The following LDLRAD4 variants were observed in gnomAD, a reference collection of about 807,000 sequenced individuals.
LDLRAD4 encodes low density lipoprotein receptor class A domain containing 4, also known as low-density lipoprotein receptor class A domain-containing protein 4.
In LDLRAD4, 5 loss-of-function variants were observed where a neutral mutation model predicts 17.0. The observed-to-expected ratio is 0.29, with a 90% CI of 0.15 to 0.62. The LOEUF (loss-of-function observed/expected upper bound fraction) is 0.62, where lower values mean the gene tolerates loss of function less well. LDLRAD4 is among the 20% of genes least tolerant of loss of function. The probability of loss-of-function intolerance (pLI) is 0.84; values close to 1 mark genes in which losing one functional copy is unlikely to be tolerated. For synonymous variants in LDLRAD4, 168 were observed against 171.8 expected (o/e 0.98, Z 0.17); for missense variants, 340 against 424.7 (o/e 0.80, Z 1.75).
intron 3 of LDLRAD4, among the ~76,000 whole-genome samples, chr18:13,599,206 A>AC (rs2095131040): frequency 6.6e-6 from 1 of 152,070 alleles, no homozygotes; most frequent in African/African-American, 2.4e-5. Flanking sequence ...TTTTTGCCAC[A>AC]CCCACTCAGT....
chr18:13,219,599 TAGTA>T (rs553143261), intron 1 of LDLRAD4, among the ~76,000 whole-genome samples: 2 of 152,276 alleles, frequency 1.3e-5, no homozygotes, highest in Non-Finnish European at 2.9e-5. Context: ...GCGCTAGTAT[TAGTA>T]AGTTATTTGC....
chr18:13,246,787 C>T (rs2042977374), intron 1 of LDLRAD4, among the ~76,000 whole-genome samples: 1 of 152,306 alleles, frequency 6.6e-6, no homozygotes. Context: ...CCTGATTTTC[C>T]ATTAGTCACA....
chr18:13,622,102 C>A lies in LDLRAD4; in HGVS notation c.336+831C>A, dbSNP rs574023274. ...CCTGCGGTATGCTGAGCACAGGAGC[C>A]GGTCCTTACGGAGCATCCCTCTTCA... On this transcript the variant is annotated intron_variant, in intron 4 of 5. Transcript: ENST00000359446. The surrounding 1 kb of genome is among the most constrained non-coding windows in gnomAD (Gnocchi z 5.3). 6.6e-6 allele frequency among the ~76,000 whole-genome samples: 1 copy of A among 152,154 alleles called. No individual in the cohort carries two copies. Among genetic ancestry groups the A allele is most frequent in the Non-Finnish European group, 1.5e-5 (1 of 68,026 alleles).
chr18:13,308,406 G>A (rs1359580165), intron 1 of LDLRAD4, among the ~76,000 whole-genome samples: 2 of 152,142 alleles, frequency 1.3e-5, no homozygotes, highest in Non-Finnish European at 2.9e-5. Context: ...AAACATGCAC[G>A]TGTACCTTTA....
intron 2 of LDLRAD4, among the ~76,000 whole-genome samples, chr18:13,415,612 G>T (rs930249598): frequency 1.3e-5 from 2 of 152,192 alleles, no homozygotes; most frequent in East Asian, 1.9e-4. Flanking sequence ...ACTGAGGGGA[G>T]CCCCCAGGAT....
chr18:13,509,230 A>G (rs150807431), intron 3 of LDLRAD4, among the ~76,000 whole-genome samples: 107 of 152,352 alleles, frequency 7.0e-4, no homozygotes, highest in African/African-American at 2.4e-3. Context: ...GGGAAGATCA[A>G]TTATGCCTAG....
intron 1 of LDLRAD4, among the ~76,000 whole-genome samples, chr18:13,353,078 C>A (rs527318770): frequency 6.6e-6 from 1 of 152,258 alleles, no homozygotes; most frequent in East Asian, 1.9e-4. Flanking sequence ...GTGGTAAAAT[C>A]TTTGTCTAGT....
intron 3 of LDLRAD4, among the ~76,000 whole-genome samples, chr18:13,444,721 G>A (rs76774159): frequency 1.3e-5 from 2 of 152,218 alleles, no homozygotes; most frequent in African/African-American, 2.4e-5. Context: ...GGTAGACTTG[G>A]TGCCTGCCAC....
chr18:13,644,848 A>C (rs1009933896), intron 5 of LDLRAD4: 3 of 429,556 alleles, frequency 7.0e-6, no homozygotes, highest in Non-Finnish European at 1.2e-5. Flanking sequence ...ACGCACAGAA[A>C]CTCCCAGGAG....
intron 3 of LDLRAD4, among the ~76,000 whole-genome samples, chr18:13,551,233 C>T (rs1233125372): frequency 2.6e-5 from 4 of 152,186 alleles, no homozygotes; most frequent in Non-Finnish European, 1.5e-5. Flanking sequence ...GGGGCCTTTC[C>T]GACAGAGCAG....
At chr18:13,544,630 G>C (rs1362949904) in intron 3 of LDLRAD4, among the ~76,000 whole-genome samples, 6 of 152,220 alleles carry the variant, frequency 3.9e-5, no homozygotes, top group African/African-American at 1.4e-4. Context: ...TCGCGAAGCT[G>C]TGCTGTTTTC....
chr18:13,582,211 C>A (rs549322648), intron 3 of LDLRAD4, among the ~76,000 whole-genome samples: 22 of 152,244 alleles, frequency 1.4e-4, no homozygotes, highest in African/African-American at 5.3e-4. Flanking sequence ...CAGGGCCTGA[C>A]ACAGAAGCAC....
intron 3 of LDLRAD4, among the ~76,000 whole-genome samples, chr18:13,493,226 C>G (rs138167867): frequency 6.6e-6 from 1 of 152,200 alleles, no homozygotes; most frequent in Non-Finnish European, 1.5e-5. Flanking sequence ...GCCATTTCCA[C>G]AAGTCTGCTC....
chr18:13,586,985 G>T (rs980546845), intron 3 of LDLRAD4, among the ~76,000 whole-genome samples: 2 of 152,162 alleles, frequency 1.3e-5, no homozygotes, highest in African/African-American at 4.8e-5. Flanking sequence ...ATGGGAGTCA[G>T]AGACCCAGAG....
intron 3 of LDLRAD4, among the ~76,000 whole-genome samples, chr18:13,618,957 C>G (rs1316665138): frequency 6.6e-6 from 1 of 152,234 alleles, no homozygotes; most frequent in African/African-American, 2.4e-5. Context: ...TGCACAGACC[C>G]TCAGGGCTGC....
chr18:13,610,342 A>T (rs2148706369), intron 3 of LDLRAD4, among the ~76,000 whole-genome samples: 1 of 120,674 alleles, frequency 8.3e-6, no homozygotes, highest in Admixed American at 1.1e-4. Context: ...GGCTGGAGTG[A>T]AGTGGCCCTA....
chr18:13,605,131 T>TCAAACAC lies in LDLRAD4; in HGVS notation c.182-15985_182-15984insAAACACC, dbSNP rs1240509616. Among the ~76,000 whole-genome samples the TCAAACAC allele has an allele frequency of 2.0e-5, 3 of 152,228 alleles. No individual in the cohort carries two copies. In the East Asian group the frequency reaches 5.8e-4, roughly 29 times the overall value. On this transcript the variant is annotated intron_variant, in intron 3 of 5. Transcript: ENST00000359446. ...TCCAGAGCGCAGAATTAGAGTGTTCTCTTAACATATGGTGTCCAGAAATCC... is the reference window on the plus strand; with the variant it reads ...TCCAGAGCGCAGAATTAGAGTGTTCTCAAACACCTTAACATATGGTGTCCAGAAATCC...
At chr18:13,308,052 A>G (rs1223857885) in intron 1 of LDLRAD4, among the ~76,000 whole-genome samples, 1 of 152,150 alleles carries the variant, frequency 6.6e-6, no homozygotes, top group Non-Finnish European at 1.5e-5. Context: ...TTTCTTATAT[A>G]TCCTTCTAGA....
chr18:13,611,556 A>T, intron 3 of LDLRAD4: 1 of 985,420 alleles, frequency 1.0e-6, no homozygotes, highest in Non-Finnish European at 1.2e-6. Context: ...CTGTGCTTGA[A>T]CAAAATGAAC....
Sources: gnomAD v4.1 joint callset for allele counts (sites outside exome capture counted in the v4.1 genomes callset) on GRCh38, gnomAD v4.1.1 for gene constraint, Gnocchi (gnomAD v3.1) non-coding constraint, MANE v1.5 for transcripts, NCBI Gene and HGNC (gene_info 2026-07-23, HGNC 2026-07-21) for gene names.